TBC1D1: variants seen among roughly 807,000 people sequenced by gnomAD.
TBC1D1 encodes TBC1 (tre-2/USP6, BUB2, cdc16) domain family, member 1.
TBC1D1 carries 89 observed loss-of-function variants against 125.6 expected under a neutral mutation model. That is an observed-to-expected ratio of 0.71 (90% confidence interval 0.60 to 0.85). TBC1D1 has a LOEUF of 0.85. Ranked by LOEUF, TBC1D1 falls within the 40% of genes least tolerant of loss-of-function variation. The pLI, the probability that TBC1D1 is intolerant of heterozygous loss-of-function variation, is 0.00. For synonymous variants in TBC1D1, 565 were observed against 564.1 expected, an observed-to-expected ratio of 1.00 and a Z score of -0.02; for missense variants, 1,377 against 1,469.2, an observed-to-expected ratio of 0.94 and a Z score of 1.03.
chr4:37,903,457 G>A (rs1716603982), intron 2 of TBC1D1, among the ~76,000 whole-genome samples: 1 of 152,218 alleles, frequency 6.6e-6, no homozygotes, highest in South Asian at 2.1e-4. Context: ...AGCAAGCCAA[G>A]TCACATGTGA....
At chr4:38,084,023 C>T (rs143787447) in intron 12 of TBC1D1, among the ~76,000 whole-genome samples, 3,379 of 151,382 alleles carry the variant, frequency 0.022, 54 homozygotes, top group East Asian at 0.074. Context: ...CTGCAAGCTC[C>T]GCCTCCCGGG....
intron 2 of TBC1D1, among the ~76,000 whole-genome samples, chr4:37,940,431 G>A (rs893734044): frequency 6.6e-6 from 1 of 152,154 alleles, no homozygotes; most frequent in Non-Finnish European, 1.5e-5. Flanking sequence ...GGGCTGAGAC[G>A]ATGGGGTTAT....
chr4:37,970,949 C>CT (rs397992988), intron 2 of TBC1D1, among the ~76,000 whole-genome samples: 1 of 152,068 alleles, frequency 6.6e-6, no homozygotes, highest in African/African-American at 2.4e-5. Flanking sequence ...TGGCCCCCCC[C>CT]ACTAGAGGGC....
At chr4:38,107,656 G>A (rs1458705160) in intron 15 of TBC1D1, among the ~76,000 whole-genome samples, 1 of 141,184 alleles carries the variant, frequency 7.1e-6, no homozygotes, top group East Asian at 2.1e-4. Context: ...GCTGGGTCGT[G>A]TTCTACAGTT....
chr4:38,050,015 T>C, intron 11 of TBC1D1, 117 bp downstream of exon 11: 1 of 1,214,022 alleles, frequency 8.2e-7, no homozygotes, highest in Non-Finnish European at 1.1e-6. Flanking sequence ...TTACTCTTGG[T>C]TTGGAGATAA....
At chr4:38,131,341 TA>T (rs1313449073) in intron 18 of TBC1D1, among the ~76,000 whole-genome samples, 1 of 152,260 alleles carries the variant, frequency 6.6e-6, no homozygotes, top group Non-Finnish European at 1.5e-5. Context: ...ACCATATTTA[TA>T]ATTATACATG....
At chr4:38,068,334 T>C (rs1217891473) in intron 12 of TBC1D1, among the ~76,000 whole-genome samples, 3 of 152,176 alleles carry the variant, frequency 2.0e-5, no homozygotes, top group Non-Finnish European at 4.4e-5. Context: ...CTGGTAGCTT[T>C]TGTTTCTTCA....
chr4:37,947,543 C>T (rs1262297481), intron 2 of TBC1D1, among the ~76,000 whole-genome samples: 1 of 152,118 alleles, frequency 6.6e-6, no homozygotes, highest in African/African-American at 2.4e-5. Flanking sequence ...TCACTGCAGC[C>T]TCGACCTCCT....
intron 17 of TBC1D1, among the ~76,000 whole-genome samples, chr4:38,122,071 C>G (rs556720814): frequency 6.6e-6 from 1 of 152,294 alleles, no homozygotes; most frequent in East Asian, 1.9e-4. Flanking sequence ...GCTGAACTTT[C>G]TCCGGCCTTG....
At chr4:38,108,562 C>T (rs921114053) in intron 15 of TBC1D1, among the ~76,000 whole-genome samples, 1 of 152,188 alleles carries the variant, frequency 6.6e-6, no homozygotes, top group Non-Finnish European at 1.5e-5. Flanking sequence ...TGATGGGCTT[C>T]TAGAGATCCT....
intron 2 of TBC1D1, among the ~76,000 whole-genome samples, chr4:38,012,535 A>G (rs57074632): frequency 0.13 from 19,575 of 152,236 alleles, 1,778 homozygotes; most frequent in East Asian, 0.44. Flanking sequence ...TTGGCCTCCC[A>G]AAGTGCTGGG....
chr4:37,950,201 A>G (rs1727543401), intron 2 of TBC1D1, among the ~76,000 whole-genome samples: 1 of 152,146 alleles, frequency 6.6e-6, no homozygotes, highest in African/African-American at 2.4e-5. Context: ...TCTGAGGCGC[A>G]GTTCTGCACC....
At chr4:38,098,764 T>G (rs1463383709) in intron 14 of TBC1D1, among the ~76,000 whole-genome samples, 1 of 152,184 alleles carries the variant, frequency 6.6e-6, no homozygotes, top group African/African-American at 2.4e-5. Context: ...CTTTGACCTT[T>G]GAAGTAGAGG....
intron 7 of TBC1D1, among the ~76,000 whole-genome samples, chr4:38,034,590 GAAGAAGTGACC>G (rs1373506546): frequency 6.6e-6 from 1 of 152,186 alleles, no homozygotes; most frequent in Non-Finnish European, 1.5e-5. Context: ...GTTAGCTGGG[GAAGAAGTGACC>G]AAGAGTGGTG....
chr4:38,038,877 C>T (rs992751710), intron 8 of TBC1D1, among the ~76,000 whole-genome samples: 3 of 150,356 alleles, frequency 2.0e-5, no homozygotes, highest in African/African-American at 7.4e-5. Flanking sequence ...ACCCGGGAAG[C>T]GGAGGTTGCA....
intron 13 of TBC1D1, among the ~76,000 whole-genome samples, chr4:38,091,436 T>A (rs1758410644): frequency 6.6e-6 from 1 of 152,222 alleles, no homozygotes; most frequent in African/African-American, 2.4e-5. Context: ...TAAAAGCAGA[T>A]GTCTAAAAGA....
intron 2 of TBC1D1, among the ~76,000 whole-genome samples, chr4:37,987,054 G>A (rs900563545): frequency 6.6e-5 from 10 of 152,168 alleles, no homozygotes; most frequent in Admixed American, 1.3e-4. Context: ...TCTGGGAGAT[G>A]GGGTAGGTGT....
chr4:38,060,720 A>G, intron 12 of TBC1D1: 1 of 1,077,724 alleles, frequency 9.3e-7, no homozygotes, highest in East Asian at 5.9e-5. Flanking sequence ...GTTGATTAAG[A>G]GGCTTTCTTC....
intron 17 of TBC1D1, chr4:38,119,813 A>G (rs2152589415): frequency 4.2e-6 from 1 of 236,668 alleles, no homozygotes; most frequent in East Asian, 1.8e-4. Flanking sequence ...GCATTAAATT[A>G]CTTGGTTAGT....
Sources: allele counts gnomAD v4.1 joint callset (sites outside exome capture counted in the v4.1 genomes callset), GRCh38; gene constraint gnomAD v4.1.1; transcripts MANE v1.5; gene names NCBI Gene and HGNC (gene_info 2026-07-23, HGNC 2026-07-21).